Variants in CA8 observed in about 807,000 individuals in gnomAD.
CA8 encodes the protein carbonic anhydrase 8 (inactive).
A neutral mutation model predicts 41.4 loss-of-function variants in CA8; 22 were observed. That is an observed-to-expected ratio of 0.53 (90% CI 0.38 to 0.76). The LOEUF is 0.76. Among genes scored for constraint, CA8 ranks in the 30% least tolerant of loss-of-function variants. CA8 has a pLI of 0.00. For missense variants in CA8, 270 were observed against 352.8 expected, an observed-to-expected ratio of 0.77 and a Z score of 1.88; for synonymous variants, 121 against 130.6, an observed-to-expected ratio of 0.93 and a Z score of 0.50.
At chr8:60,208,633 C>G in intron 8 of CA8, 117 bp downstream of exon 8, 1 of 866,632 alleles carries the variant, frequency 1.2e-6, no homozygotes, top group Non-Finnish European at 1.9e-6. Context: ...TAAATTTTAT[C>G]AAGATGAAGT....
intron 7 of CA8, among the ~76,000 whole-genome samples, chr8:60,217,993 C>T (rs1042154601): frequency 2.0e-5 from 3 of 152,224 alleles, no homozygotes; most frequent in African/African-American, 7.2e-5. Context: ...GAAAACCCAA[C>T]CTCCATGGCA....
chr8:60,256,802 T>C (rs1010488725), intron 3 of CA8, among the ~76,000 whole-genome samples: 1 of 152,098 alleles, frequency 6.6e-6, no homozygotes, highest in African/African-American at 2.4e-5. Flanking sequence ...AATAAAAAGG[T>C]GTGTCAGGAA....
At chr8:60,218,786 T>C (rs930138257) in intron 7 of CA8, among the ~76,000 whole-genome samples, 1 of 152,186 alleles carries the variant, frequency 6.6e-6, no homozygotes, top group South Asian at 2.1e-4. Context: ...GAAAGTTTGA[T>C]GTTTTACATG....
intron 7 of CA8, among the ~76,000 whole-genome samples, chr8:60,209,577 G>C (rs148675400): frequency 1.7e-4 from 26 of 152,286 alleles, no homozygotes; most frequent in African/African-American, 6.0e-4. Flanking sequence ...GCTCTTAAAT[G>C]CTTTCCAAGT....
At chr8:60,212,767 A>G (rs1345568368) in intron 7 of CA8, among the ~76,000 whole-genome samples, 2 of 152,224 alleles carry the variant, frequency 1.3e-5, no homozygotes, top group African/African-American at 4.8e-5. Flanking sequence ...TACACTTTAA[A>G]ATGCTAAGAT....
At chr8:60,206,344 TGTGTGTGTGCGC>T (rs893866928) in intron 8 of CA8, among the ~76,000 whole-genome samples, 1 of 152,136 alleles carries the variant, frequency 6.6e-6, no homozygotes, top group Non-Finnish European at 1.5e-5. Context: ...TTTCTCTGTG[TGTGTGTGTGCGC>T]GTGTGTGTGT....
intron 6 of CA8, 129 bp downstream of exon 6, chr8:60,224,408 T>C: frequency 1.5e-6 from 1 of 669,050 alleles, no homozygotes; most frequent in Non-Finnish European, 2.7e-6. Flanking sequence ...AAATGGTATC[T>C]GCTAAACAGA....
At chr8:60,234,422 T>C (rs1387897269) in intron 3 of CA8, among the ~76,000 whole-genome samples, 2 of 152,220 alleles carry the variant, frequency 1.3e-5, no homozygotes, top group Admixed American at 6.5e-5. Context: ...CATATCAGTA[T>C]TGGTCCATTA....
chr8:60,271,003 C>A (rs1300183869), intron 2 of CA8, among the ~76,000 whole-genome samples: 1 of 152,118 alleles, frequency 6.6e-6, no homozygotes, highest in East Asian at 1.9e-4. Context: ...ATGACAGGAA[C>A]TAACCAGGTA....
At chr8:60,274,939 G>T (rs1344346997) in intron 2 of CA8, among the ~76,000 whole-genome samples, 1 of 152,164 alleles carries the variant, frequency 6.6e-6, no homozygotes, top group Non-Finnish European at 1.5e-5. Flanking sequence ...CAGATTTAAA[G>T]TTTTTAAAAG....
chr8:60,219,774 C>A (rs1807172248), intron 7 of CA8, among the ~76,000 whole-genome samples: 1 of 152,046 alleles, frequency 6.6e-6, no homozygotes, highest in Non-Finnish European at 1.5e-5. Context: ...CCTGTGTCAA[C>A]CAGGCAAAGG....
At chr8:60,229,919 A>G (rs1807581912) in intron 4 of CA8, among the ~76,000 whole-genome samples, 3 of 152,190 alleles carry the variant, frequency 2.0e-5, no homozygotes, top group African/African-American at 4.8e-5. Context: ...ACGACTTACC[A>G]GAACTCTCTA....
chr8:60,199,949 TGTCA>T (rs528811832), intron 8 of CA8, among the ~76,000 whole-genome samples: 44 of 152,182 alleles, frequency 2.9e-4, no homozygotes, highest in Non-Finnish European at 6.0e-4. Flanking sequence ...TTCTGAGGGT[TGTCA>T]GTGTTTACCT....
chr8:60,232,607 T>G (rs956792758), intron 3 of CA8: 1 of 562,092 alleles, frequency 1.8e-6, no homozygotes, highest in Admixed American at 2.7e-5. Context: ...AAGTCCAGTT[T>G]TAGTCCTGAT....
chr8:60,227,002 A>AG, intron 4 of CA8, 67 bp from the exon 5 acceptor site: 1 of 1,133,060 alleles, frequency 8.8e-7, no homozygotes, highest in South Asian at 1.2e-5. Flanking sequence ...CTAAAAAAAA[A>AG]CTAATAGGGC....
At chr8:60,236,532 C>G (rs142330382) in intron 3 of CA8, among the ~76,000 whole-genome samples, 1 of 151,898 alleles carries the variant, frequency 6.6e-6, no homozygotes. Flanking sequence ...AATCTGATGA[C>G]GACTAATACC....
intron 3 of CA8, among the ~76,000 whole-genome samples, chr8:60,242,378 G>T (rs1808059426): frequency 6.6e-6 from 1 of 152,144 alleles, no homozygotes; most frequent in East Asian, 1.9e-4. Context: ...GAAGTAACCT[G>T]CCCAGGATTA....
intron 7 of CA8, among the ~76,000 whole-genome samples, chr8:60,220,916 G>A (rs1237465310): frequency 6.6e-6 from 1 of 152,200 alleles, no homozygotes; most frequent in Non-Finnish European, 1.5e-5. Context: ...GCAACTGTGG[G>A]AGGAGGACAG....
intron 2 of CA8, among the ~76,000 whole-genome samples, chr8:60,276,845 G>T (rs978613497): frequency 4.6e-5 from 7 of 152,130 alleles, no homozygotes; most frequent in Non-Finnish European, 1.0e-4. Context: ...TCGTCCAGGT[G>T]CTGTGGCTCA....
Sources: allele counts gnomAD v4.1 joint callset (sites outside exome capture counted in the v4.1 genomes callset), GRCh38; gene constraint gnomAD v4.1.1; transcripts MANE v1.5; gene names NCBI Gene and HGNC (gene_info 2026-07-23, HGNC 2026-07-21).